The following GRM8 variants were observed in gnomAD, a reference collection of about 807,000 sequenced individuals.
GRM8 encodes the protein metabotropic glutamate receptor 8.
In GRM8, 47 loss-of-function variants were observed where a neutral mutation model predicts 87.2. That is an observed-to-expected ratio of 0.54 (90% confidence interval 0.43 to 0.69). The LOEUF (loss-of-function observed/expected upper bound fraction) is 0.69. Among genes scored for constraint, GRM8 ranks in the 30% least tolerant of loss-of-function variants. The pLI is 0.00. For missense variants in GRM8, 1,019 were observed against 1,139.2 expected, an observed-to-expected ratio of 0.89 and a Z score of 1.52; for synonymous variants, 396 against 404.5, an observed-to-expected ratio of 0.98 and a Z score of 0.25.
intron 6 of GRM8, among the ~76,000 whole-genome samples, chr7:126,804,131 A>G (rs1425612399): frequency 6.6e-6 from 1 of 152,210 alleles, no homozygotes; most frequent in African/African-American, 2.4e-5. Flanking sequence ...CTGTCCTCTC[A>G]GTCTGCACTT....
intron 9 of GRM8, among the ~76,000 whole-genome samples, chr7:126,457,072 T>TGC (rs1803332638): frequency 6.6e-6 from 1 of 151,574 alleles, no homozygotes; most frequent in African/African-American, 2.4e-5. Context: ...TGTCTGTGTG[T>TGC]GTGCCTGTGT....
At chr7:126,800,980 T>C (rs1359566461) in intron 6 of GRM8, among the ~76,000 whole-genome samples, 1 of 152,060 alleles carries the variant, frequency 6.6e-6, no homozygotes. Flanking sequence ...TGGAAAAAGC[T>C]GCTTAAAATA....
In GRM8 at chr7:126,771,166, T is replaced by C. The variant is rs79666570; in HGVS notation, c.1157-1101A>G. ...TGTATTTAAATTCAACAAATATTTG[T>C]TTTCTGAACATCAATGCATATAACC... On this transcript the variant is annotated intron_variant, in intron 6 of 10. Coordinates refer to ENST00000339582, the MANE Select transcript of GRM8 (RefSeq NM_000845.3). 2.7e-4 allele frequency among the ~76,000 whole-genome samples: 41 copies of C among 152,224 alleles called. No homozygotes were observed. In the East Asian group the frequency reaches 6.9e-3, roughly 26 times the overall value.
chr7:126,907,075 T>C (rs1802755894), intron 3 of GRM8, among the ~76,000 whole-genome samples: 1 of 144,896 alleles, frequency 6.9e-6, no homozygotes, highest in Admixed American at 6.9e-5. Context: ...AGAAAAAGAA[T>C]GGAGACGAGA....
At chr7:126,878,719 G>T (rs1185409019) in intron 6 of GRM8, among the ~76,000 whole-genome samples, 1 of 151,704 alleles carries the variant, frequency 6.6e-6, no homozygotes, top group Admixed American at 6.6e-5. Context: ...ATGGGATAGG[G>T]TTTCACCATG....
In GRM8 at chr7:126,533,452, C is replaced by G; in HGVS notation, c.1930G>C (p.Asp644His). The G allele has an allele frequency of 4.3e-6, 7 of 1,614,098 alleles. No homozygotes were observed. Among genetic ancestry groups the G allele is most frequent in the Non-Finnish European group, 5.9e-6 (7 of 1,180,012 alleles). ...SITFLMIAAP[D>H]TIICSFRRVF... ...CGTCGGAAGGAGCATATGATTGTATCTGGTGCTGCAATCATTAAAAACGTG... is the reference window on the plus strand; with the variant it reads ...CGTCGGAAGGAGCATATGATTGTATGTGGTGCTGCAATCATTAAAAACGTG... Residue 644 changes from aspartate to histidine, a missense_variant, in exon 9 of 11, where the codon GAT (aspartate) becomes CAT (histidine). Coordinates refer to ENST00000339582, the MANE Select transcript of GRM8 (RefSeq NM_000845.3).
At chr7:126,828,878 T>C (rs1795077709) in intron 6 of GRM8, among the ~76,000 whole-genome samples, 1 of 152,206 alleles carries the variant, frequency 6.6e-6, no homozygotes, top group African/African-American at 2.4e-5. Context: ...TGTGAATGTG[T>C]CCCAGAGATT....
At chr7:126,669,857 G>C (rs1806199708) in intron 7 of GRM8, among the ~76,000 whole-genome samples, 1 of 152,178 alleles carries the variant, frequency 6.6e-6, no homozygotes, top group South Asian at 2.1e-4. Context: ...TTTGCCTAGG[G>C]TTAAAGGATT....
chr7:126,696,815 G>T (rs1286224118), intron 7 of GRM8, among the ~76,000 whole-genome samples: 1 of 151,976 alleles, frequency 6.6e-6, no homozygotes, highest in Non-Finnish European at 1.5e-5. Flanking sequence ...CTTCAAAACT[G>T]GGGGGCTTCC....
Position 126,477,577 on chromosome 7 carries a change from A to G in GRM8, c.2431-31205T>C, listed in dbSNP as rs1024774723. On this transcript the variant is annotated intron_variant, in intron 9 of 10. Transcript: ENST00000339582. Reference sequence around the variant, plus strand: ...GAGAAGTAAGAGAAAGAAAGAAAGAAAGAGAGAAAGAAAGAAAGAAAGAAA... The same window carrying G: ...GAGAAGTAAGAGAAAGAAAGAAAGAGAGAGAGAAAGAAAGAAAGAAAGAAA... 6.8e-3 allele frequency among the ~76,000 whole-genome samples: 531 copies of G among 77,560 alleles called. 4 individuals are homozygous for G. Among genetic ancestry groups the G allele is most frequent in the African/African-American group, 0.026 (468 of 17,880 alleles). 50.9% of individuals were successfully genotyped at this position (77,560 alleles called of 152,430 possible).
chr7:126,762,252 T>C (rs1344247035), intron 7 of GRM8, among the ~76,000 whole-genome samples: 2 of 152,098 alleles, frequency 1.3e-5, no homozygotes, highest in African/African-American at 4.8e-5. Flanking sequence ...TTTTTTTTTC[T>C]TGTAAAGAAC....
chr7:126,590,420 G>A (rs1055829736), intron 8 of GRM8, among the ~76,000 whole-genome samples: 3 of 151,918 alleles, frequency 2.0e-5, no homozygotes, highest in African/African-American at 7.2e-5. Flanking sequence ...TGGTATTCCT[G>A]AAGAAATCTA....
intron 7 of GRM8, among the ~76,000 whole-genome samples, chr7:126,765,192 T>C (rs10279350): frequency 0.79 from 120,021 of 151,968 alleles, 47,751 homozygotes; most frequent in Non-Finnish European, 0.83. Flanking sequence ...TCCTCTGCTA[T>C]CCTGTGAACC....
intron 3 of GRM8, among the ~76,000 whole-genome samples, chr7:126,982,548 A>T (rs989532942): frequency 6.6e-6 from 1 of 152,224 alleles, no homozygotes; most frequent in Admixed American, 6.5e-5. Context: ...CCCAACCCAA[A>T]TGCTATTCCA....
intron 2 of GRM8, among the ~76,000 whole-genome samples, chr7:127,107,427 T>G (rs17868631): frequency 6.6e-6 from 1 of 152,200 alleles, no homozygotes; most frequent in Admixed American, 6.5e-5. Context: ...CCAGAAATTC[T>G]TTGAAATGAG....
chr7:126,818,598 A>G (rs549313690), intron 6 of GRM8, among the ~76,000 whole-genome samples: 5 of 152,340 alleles, frequency 3.3e-5, no homozygotes, highest in African/African-American at 1.2e-4. Context: ...TAAAATCTGT[A>G]AAAGCGAAAA....
intron 7 of GRM8, among the ~76,000 whole-genome samples, chr7:126,751,295 G>A (rs1585780216): frequency 6.6e-6 from 1 of 151,050 alleles, no homozygotes; most frequent in Non-Finnish European, 1.5e-5. Flanking sequence ...CTTCTTTTTT[G>A]AAAAAAAAGA....
intron 2 of GRM8, among the ~76,000 whole-genome samples, chr7:127,106,997 T>C (rs1557644): frequency 0.23 from 34,596 of 152,064 alleles, 4,595 homozygotes; most frequent in Non-Finnish European, 0.32. Context: ...TTTTTGTTGA[T>C]GTTGCTTTTT....
intron 6 of GRM8, among the ~76,000 whole-genome samples, chr7:126,820,559 C>T (rs977463845): frequency 3.3e-5 from 5 of 152,316 alleles, no homozygotes; most frequent in East Asian, 1.9e-4. Flanking sequence ...ATAAATTCAA[C>T]AGTCCACGTC....
Sources: gnomAD v4.1 joint callset for allele counts (sites outside exome capture counted in the v4.1 genomes callset) on GRCh38, gnomAD v4.1.1 for gene constraint, MANE v1.5 for transcripts, NCBI Gene and HGNC (gene_info 2026-07-23, HGNC 2026-07-21) for gene names.